The following NFATC2IP variants were observed in gnomAD, a reference collection of about 807,000 sequenced individuals.
NFATC2IP encodes the protein nuclear factor of activated T cells 2 interacting protein.
A neutral mutation model predicts 40.2 loss-of-function variants in NFATC2IP; 25 were observed. The observed-to-expected ratio is 0.62, with a 90% CI of 0.45 to 0.87. NFATC2IP has a LOEUF of 0.87. Ranked by LOEUF, NFATC2IP falls within the 40% of genes least tolerant of loss-of-function variation. NFATC2IP has a pLI of 0.00. For synonymous variants in NFATC2IP, 241 were observed against 236.3 expected (o/e 1.02, Z -0.18); for missense variants, 553 against 555.6 (o/e 1.00, Z 0.05).
In NFATC2IP at chr16:28,966,454, A is replaced by T; in HGVS notation, c.*2591A>T. On this transcript the variant is annotated 3_prime_UTR_variant, in exon 8 of 8. Coordinates refer to ENST00000320805, the MANE Select transcript of NFATC2IP (RefSeq NM_032815.4). ...CGAGACCTTGTCTCTTAAAAAAAAA[A>T]AAAAAAAAAAATGAGAGAAATCGGC... 1 of 151,026 alleles carries T rather than the reference A, an allele frequency of 6.6e-6. No homozygotes were observed. Among genetic ancestry groups the T allele is most frequent in the East Asian group, 1.9e-4 (1 of 5,196 alleles). The allele number at this position is 151,026 out of a possible 1,614,324, so 9.4% of individuals were successfully genotyped here. A position where few individuals can be genotyped will look rare whatever the true frequency, so the allele number is the denominator to read the frequency against.
In NFATC2IP at chr16:28,958,759, C is replaced by T; in HGVS notation, c.889C>T (p.Leu297Phe). ...TGTGGTGGACCACATGGCCACCCACCTTGGGGTGTCCCCAAGCAGGATCCT... is the reference window on the plus strand; with the variant it reads ...TGTGGTGGACCACATGGCCACCCACTTTGGGGTGTCCCCAAGCAGGATCCT... ...QSVVDHMATHLGVSPSRILLL... is the reference protein window; with the variant it reads ...QSVVDHMATHFGVSPSRILLL... Residue 297 changes from leucine (L) to phenylalanine (F), a missense_variant, in exon 6 of 8, where the codon CTT becomes TTT. By Grantham distance (22) the Leu-to-Phe change is conservative. Transcript: ENST00000320805. The T allele has an allele frequency of 6.2e-7, 1 of 1,613,666 alleles. No homozygotes were observed. The highest frequency in any genetic ancestry group is 1.1e-5 in the South Asian group (1 of 91,072).
chr16:28,964,033 C>G lies in NFATC2IP; in HGVS notation c.*170C>G. 2 of 637,712 alleles carry G rather than the reference C, an allele frequency of 3.1e-6. No individual in the cohort carries two copies. Among genetic ancestry groups the G allele is most frequent in the Non-Finnish European group, 5.4e-6 (2 of 373,034 alleles). The allele number at this position is 637,712 out of a possible 1,614,324, so 39.5% of individuals were successfully genotyped here. A position where few individuals can be genotyped will look rare whatever the true frequency, so the allele number is the denominator to read the frequency against. On this transcript the variant is annotated 3_prime_UTR_variant, in exon 8 of 8. Coordinates refer to ENST00000320805, the MANE Select transcript of NFATC2IP (RefSeq NM_032815.4). ...GTTGACCCTGGTTTAGAGCCGTTAA[C>G]CACTTGGTGAGTTATGTGGGTGTTG... is the stretch of plus-strand genomic sequence containing the variant.
chr16:28,954,583 C>A lies in NFATC2IP; in HGVS notation c.479C>A (p.Ser160Ter). The A allele has an allele frequency of 1.2e-6, 2 of 1,613,134 alleles. No homozygotes were observed. The highest frequency in any genetic ancestry group is 1.7e-6 in the Non-Finnish European group (2 of 1,179,268). Reference sequence around the variant, plus strand: ...CCCCCAGAGGCAGAGCTGGCAGATTCGAGTGGTCTCTACCATGAGGGCTCC... The same window carrying A: ...CCCCCAGAGGCAGAGCTGGCAGATTAGAGTGGTCTCTACCATGAGGGCTCC... ...GDEEEAELAD[S>*]SGLYHEGSPS... Residue 160 changes from serine (S) to a stop codon, truncating the protein, a stop_gained, in exon 3 of 8, where the codon TCG becomes TAG. Transcript: ENST00000320805. LOFTEE classifies it high-confidence loss of function.
chr16:28,959,788 A>G (rs987528992), intron 7 of NFATC2IP, among the ~76,000 whole-genome samples: 41 of 151,972 alleles, frequency 2.7e-4, no homozygotes, highest in African/African-American at 9.9e-4. Flanking sequence ...GGCTGGTCTC[A>G]AACTCCTGAC....
rs1177246319 is a variant in NFATC2IP, at chr16:28,951,242, GC to G, written c.236del (p.Pro79ArgfsTer66). 2.0e-6 allele frequency: 3 copies of G among 1,497,756 alleles called. No homozygotes were observed. Among genetic ancestry groups the G allele is most frequent in the Admixed American group, 2.2e-5 (1 of 45,298 alleles). The allele number at this position is 1,497,756 out of a possible 1,614,324, so 92.8% of individuals were successfully genotyped here. A position where few individuals can be genotyped will look rare whatever the true frequency, so the allele number is the denominator to read the frequency against. Reference protein sequence around the residue: ...ADEVEVEPPEPPGPVASRDNS... With the variant: ...ADEVEVEPPEXPGPVASRDNS... ...ACGAGGTTGAGGTGGAGCCCCCGGA[GC>G]CCCCGGGGCCGGTCGCGTCCCGGGA... On this transcript the variant is annotated frameshift_variant, in exon 1 of 8. Transcript: ENST00000320805.
chr16:28,960,450 A>G (rs1965073142), intron 7 of NFATC2IP, among the ~76,000 whole-genome samples: 1 of 152,138 alleles, frequency 6.6e-6, no homozygotes, highest in Admixed American at 6.5e-5. Flanking sequence ...TTTAAATATA[A>G]TCAACTCAAG....
chr16:28,963,703 A>G lies in NFATC2IP; in HGVS notation c.1102-2A>G. On this transcript the variant is annotated splice_acceptor_variant, in intron 7 of 7. Transcript: ENST00000320805. LOFTEE classifies it high-confidence loss of function. ...CGTCCATTTTCTTTTGTCTCCATCC[A>G]GGATTCCCCTCTAAAGACCCTCATG... The G allele has an allele frequency of 1.2e-6, 2 of 1,613,726 alleles. No homozygotes were observed. Among genetic ancestry groups the G allele is most frequent in the Non-Finnish European group, 1.7e-6 (2 of 1,179,742 alleles).
rs1448235248 is a variant in NFATC2IP, at chr16:28,958,709, A to G, written c.847-8A>G. ...AAGACCTCTTTTGCTTGTTGTCCCC[A>G]TCCCTAGTCGGAGCCCCTGCAGAGT... On this transcript the variant is annotated splice_region_variant and splice_polypyrimidine_tract_variant and intron_variant, in intron 5 of 7. Transcript: ENST00000320805. 2 of 1,603,470 alleles carry G rather than the reference A, an allele frequency of 1.2e-6. No homozygotes were observed. The highest frequency in any genetic ancestry group is 1.1e-5 in the South Asian group (1 of 89,776).
chr16:28,951,766 G>T (rs1964969848), intron 1 of NFATC2IP, among the ~76,000 whole-genome samples: 1 of 152,060 alleles, frequency 6.6e-6, no homozygotes, highest in Admixed American at 6.6e-5. Context: ...AGTATTGGGG[G>T]TTGGGGTCCA....
chr16:28,951,837 C>T (rs1051047025), intron 1 of NFATC2IP, among the ~76,000 whole-genome samples: 1 of 151,932 alleles, frequency 6.6e-6, no homozygotes, highest in Non-Finnish European at 1.5e-5. Context: ...GTCGTGTGAG[C>T]AATGGGCTGA....
intron 5 of NFATC2IP, 189 bp downstream of exon 5, chr16:28,956,526 C>T (rs1043060966): frequency 1.0e-5 from 6 of 576,346 alleles, no homozygotes; most frequent in Admixed American, 3.1e-5. Context: ...ATTTTCCCAA[C>T]GCTCCCCTCT....
Position 28,964,021 on chromosome 16 carries a change from T to A in NFATC2IP, c.*158T>A. On this transcript the variant is annotated 3_prime_UTR_variant, in exon 8 of 8. Transcript: ENST00000320805. The stretch of plus-strand genomic sequence containing the variant: ...GTCCCCTCTCCTGTTGACCCTGGTT[T>A]AGAGCCGTTAACCACTTGGTGAGTT... 1 of 684,766 alleles carries A rather than the reference T, an allele frequency of 1.5e-6. No homozygotes were observed. Among genetic ancestry groups the A allele is most frequent in the Non-Finnish European group, 2.4e-6 (1 of 412,546 alleles). The allele number at this position is 684,766 out of a possible 1,614,324, so 42.4% of individuals were successfully genotyped here. A position where few individuals can be genotyped will look rare whatever the true frequency, so the allele number is the denominator to read the frequency against.
Position 28,954,701 on chromosome 16 carries a change from C to G in NFATC2IP, c.578+19C>G. On this transcript the variant is annotated intron_variant, in intron 3 of 7. Transcript: ENST00000320805. Reference sequence around the variant, plus strand: ...AGTTTCTGTGAGTGAGGCCAGGGCCCTTGGGCCCTGGGAGCAGGAAGTGAG... The same window carrying G: ...AGTTTCTGTGAGTGAGGCCAGGGCCGTTGGGCCCTGGGAGCAGGAAGTGAG... 6.5e-7 allele frequency: 1 copy of G among 1,541,454 alleles called. No individual in the cohort carries two copies. The highest frequency in any genetic ancestry group is 8.9e-7 in the Non-Finnish European group (1 of 1,117,984).
At chr16:28,954,911 TAATGTGAGCTTAAGGTATGGTTCC>T (rs1210491867) in intron 3 of NFATC2IP, among the ~76,000 whole-genome samples, 2 of 152,056 alleles carry the variant, frequency 1.3e-5, no homozygotes, top group Non-Finnish European at 2.9e-5. Context: ...GAGACCCTAG[TAATGTGAGCTTAAGGTATGGTTCC>T]AATCCAGCTT....
chr16:28,951,061 C>T lies in NFATC2IP; in HGVS notation c.50C>T (p.Ala17Val). Residue 17 changes from alanine (A) to valine (V), a missense_variant, in exon 1 of 8, where the codon GCC becomes GTC. Coordinates refer to ENST00000320805, the MANE Select transcript of NFATC2IP (RefSeq NM_032815.4). Reference protein sequence around the residue: ...KRGRWSGGSGAGRGGRGGWGG... With the variant: ...KRGRWSGGSGVGRGGRGGWGG... ...GGCCGCTGGTCCGGAGGTAGCGGTG[C>T]CGGCCGAGGGGGTCGGGGCGGCTGG... 2 of 1,540,392 alleles carry T rather than the reference C, an allele frequency of 1.3e-6. No homozygotes were observed. Among genetic ancestry groups the T allele is most frequent in the African/African-American group, 1.4e-5 (1 of 72,346 alleles).
intron 2 of NFATC2IP, chr16:28,952,689 G>T (rs1262579563): frequency 6.5e-6 from 1 of 153,778 alleles, no homozygotes; most frequent in Non-Finnish European, 1.4e-5. Context: ...GTACAGTGGG[G>T]TGATTAAAAG....
intron 1 of NFATC2IP, 36 bp downstream of exon 1, chr16:28,951,434 G>C: frequency 1.5e-6 from 2 of 1,374,338 alleles, no homozygotes; most frequent in Non-Finnish European, 1.9e-6. Context: ...CGGCGGAAGG[G>C]CCAAGGGCTT....
chr16:28,951,487 A>T, intron 1 of NFATC2IP, 89 bp downstream of exon 1: 1 of 1,226,778 alleles, frequency 8.2e-7, no homozygotes, highest in Non-Finnish European at 1.0e-6. Flanking sequence ...GTAGGGCTAT[A>T]GGGGTGTTGA....
At chr16:28,957,262 G>C (rs1049206101) in intron 5 of NFATC2IP, among the ~76,000 whole-genome samples, 2 of 151,834 alleles carry the variant, frequency 1.3e-5, no homozygotes, top group African/African-American at 4.8e-5. Flanking sequence ...TTGAACTCCT[G>C]ATCTCAAGTG....
Sources: gnomAD v4.1 joint callset for allele counts (sites outside exome capture counted in the v4.1 genomes callset) on GRCh38, gnomAD v4.1.1 for gene constraint, MANE v1.5 for transcripts, NCBI Gene and HGNC (gene_info 2026-07-23, HGNC 2026-07-21) for gene names.